The following DGKB variants were observed in gnomAD, a reference collection of about 807,000 sequenced individuals.
The protein encoded by DGKB is diacylglycerol kinase beta, also known as 90 kDa diacylglycerol kinase.
In DGKB, 67 loss-of-function variants were observed where a neutral mutation model predicts 114.3. The observed-to-expected ratio is 0.59, with a 90% CI of 0.48 to 0.72. The LOEUF (loss-of-function observed/expected upper bound fraction) is 0.72, where lower values mean the gene tolerates loss of function less well. DGKB is among the 30% of genes least tolerant of loss of function. DGKB has a pLI of 0.00. For missense variants in DGKB, 907 were observed against 975.2 expected, an observed-to-expected ratio of 0.93 and a Z score of 0.93; for synonymous variants, 398 against 323.1, an observed-to-expected ratio of 1.23 and a Z score of -2.49.
intron 21 of DGKB, among the ~76,000 whole-genome samples, chr7:14,450,145 C>G (rs1831272014): frequency 6.6e-6 from 1 of 152,094 alleles, no homozygotes; most frequent in East Asian, 1.9e-4. Flanking sequence ...GAAACCAAGA[C>G]AATTTCTTTT....
intron 1 of DGKB, among the ~76,000 whole-genome samples, chr7:14,910,242 A>AAAAGAAAGAAAGAAAGAAAGAAAG (rs61063816): frequency 4.5e-5 from 5 of 110,080 alleles, no homozygotes; most frequent in East Asian, 2.7e-4. Flanking sequence ...CTCCATCAAA[A>AAAAGAAAGAAAGAAAGAAAGAAAG]AAAGAAAGAA....
chr7:14,627,586 C>CTGCG (rs1554555337), intron 14 of DGKB, among the ~76,000 whole-genome samples: 2 of 149,010 alleles, frequency 1.3e-5, no homozygotes, highest in Non-Finnish European at 3.0e-5. Context: ...ATGTCTGTGT[C>CTGCG]TGTGTGTGTG....
At chr7:14,353,121 T>A (rs1344394160) in intron 21 of DGKB, among the ~76,000 whole-genome samples, 1 of 152,074 alleles carries the variant, frequency 6.6e-6, no homozygotes, top group South Asian at 2.1e-4. Flanking sequence ...AAAATCTAAC[T>A]CAAGAAACCC....
At chr7:14,156,995 C>T (rs938801947) in intron 25 of DGKB, among the ~76,000 whole-genome samples, 3 of 152,120 alleles carry the variant, frequency 2.0e-5, no homozygotes, top group Admixed American at 6.6e-5. Context: ...AAACATACCT[C>T]AGCAGGTAGC....
At chr7:14,954,332 A>G (rs1786377909) in intron 1 of DGKB, among the ~76,000 whole-genome samples, 1 of 152,090 alleles carries the variant, frequency 6.6e-6, no homozygotes, top group Non-Finnish European at 1.5e-5. Flanking sequence ...ACTGAAGATG[A>G]AAATGCTTGG....
intron 21 of DGKB, among the ~76,000 whole-genome samples, chr7:14,442,785 A>G (rs576097727): frequency 2.6e-5 from 4 of 152,276 alleles, no homozygotes; most frequent in African/African-American, 9.6e-5. Context: ...GGCTGAAGCC[A>G]TCCTCCTGCC....
At chr7:14,804,721 C>A (rs765223241) in intron 2 of DGKB, among the ~76,000 whole-genome samples, 6 of 152,034 alleles carry the variant, frequency 3.9e-5, no homozygotes, top group Non-Finnish European at 7.4e-5. Flanking sequence ...ATCTATGCTA[C>A]TTTTGGGGAA....
intron 20 of DGKB, among the ~76,000 whole-genome samples, chr7:14,558,220 T>A (rs1056635102): frequency 4.6e-5 from 7 of 151,420 alleles, no homozygotes; most frequent in African/African-American, 1.7e-4. Flanking sequence ...ATATCATAAT[T>A]ACAGCATTGT....
chr7:14,331,257 G>T (rs543982576), intron 23 of DGKB, among the ~76,000 whole-genome samples: 1 of 151,838 alleles, frequency 6.6e-6, no homozygotes, highest in Admixed American at 6.6e-5. Context: ...TTTGTGAAAT[G>T]CAACATCTCA....
rs779324825 is a variant in DGKB at position 14,195,979 on chromosome 7, C to T, written c.2123-17828G>A. On this transcript the variant is annotated intron_variant, in intron 23 of 25. Transcript: ENST00000402815. ...CAGTTTGTCTTCAGAGAATAGGCGA[C>T]ATGTCTAAATAGAATTAAATCTCAG... 1.1e-4 allele frequency among the ~76,000 whole-genome samples: 17 copies of T among 152,122 alleles called. 2 individuals are homozygous for T. In the South Asian group the frequency reaches 1.4e-3, roughly 13 times the overall value.
chr7:14,874,628 AAT>A (rs1469528245), intron 1 of DGKB, among the ~76,000 whole-genome samples: 1 of 152,002 alleles, frequency 6.6e-6, no homozygotes, highest in African/African-American at 2.4e-5. Flanking sequence ...TGGGGTAGTT[AAT>A]ATGTTTCCTC....
At chr7:14,397,218 C>A (rs112941715) in intron 21 of DGKB, among the ~76,000 whole-genome samples, 1 of 152,056 alleles carries the variant, frequency 6.6e-6, no homozygotes, top group Non-Finnish European at 1.5e-5. Context: ...ATATGAAGAG[C>A]TAAAGTTACA....
At chr7:14,947,579 A>G in intron 1 of DGKB, among the ~76,000 whole-genome samples, 1 of 71,784 alleles carries the variant, frequency 1.4e-5, no homozygotes, top group Non-Finnish European at 2.5e-5. Context: ...TAGGAGAAAA[A>G]TGTTCTTCCT....
intron 20 of DGKB, among the ~76,000 whole-genome samples, chr7:14,489,993 TGAAAGTAAGG>T (rs1784385665): frequency 6.6e-6 from 1 of 152,146 alleles, no homozygotes; most frequent in Non-Finnish European, 1.5e-5. Flanking sequence ...GGCAAAAGTC[TGAAAGTAAGG>T]TTCTCTATAA....
intron 23 of DGKB, among the ~76,000 whole-genome samples, chr7:14,228,693 G>C (rs546537574): frequency 2.2e-4 from 33 of 152,062 alleles, no homozygotes; most frequent in Non-Finnish European, 2.2e-4. Flanking sequence ...ATTTTGTAGC[G>C]ATCAGTAAAA....
At chr7:14,270,961 C>A (rs1215851526) in intron 23 of DGKB, among the ~76,000 whole-genome samples, 3 of 152,144 alleles carry the variant, frequency 2.0e-5, no homozygotes, top group Non-Finnish European at 4.4e-5. Flanking sequence ...AAGTAAATCA[C>A]AGATAATAAT....
intron 20 of DGKB, among the ~76,000 whole-genome samples, chr7:14,500,664 G>T (rs979617028): frequency 1.3e-5 from 2 of 151,640 alleles, no homozygotes. Context: ...AAGCAGTCTC[G>T]TGGTGTTTTA....
At chr7:14,688,215 C>T (rs117017394) in intron 9 of DGKB, among the ~76,000 whole-genome samples, 141 of 152,212 alleles carry the variant, frequency 9.3e-4, no homozygotes, top group Non-Finnish European at 1.7e-3. Flanking sequence ...ATTAGTCCTT[C>T]CACTGCAAAT....
chr7:14,561,873 C>T (rs1293274573), intron 20 of DGKB, among the ~76,000 whole-genome samples: 2 of 152,172 alleles, frequency 1.3e-5, no homozygotes, highest in Non-Finnish European at 2.9e-5. Context: ...CAGAAATCTG[C>T]ATAAGTAACA....
Sources: allele counts gnomAD v4.1 joint callset (sites outside exome capture counted in the v4.1 genomes callset), GRCh38; gene constraint gnomAD v4.1.1; transcripts MANE v1.5; gene names NCBI Gene and HGNC (gene_info 2026-07-23, HGNC 2026-07-21).